Variants in LPP observed in about 807,000 individuals in gnomAD.
LPP encodes LIM domain containing preferred translocation partner in lipoma.
LPP carries 38 observed loss-of-function variants against 60.4 expected under a neutral mutation model. The ratio of observed to expected loss-of-function variants is 0.63; its 90% CI spans 0.49 to 0.83. LPP has a LOEUF of 0.83. Among genes scored for constraint, LPP ranks in the 40% least tolerant of loss-of-function variants. The pLI is 0.00. For synonymous variants in LPP, 328 were observed against 290.8 expected, an observed-to-expected ratio of 1.13 and a Z score of -1.30; for missense variants, 902 against 783.6, an observed-to-expected ratio of 1.15 and a Z score of -1.80.
intron 3 of LPP, among the ~76,000 whole-genome samples, chr3:188,376,822 A>T (rs973269029): frequency 6.6e-6 from 1 of 152,168 alleles, no homozygotes; most frequent in South Asian, 2.1e-4. Flanking sequence ...ACAATTTGGC[A>T]TGTTTTTGCA....
At chr3:188,242,971 A>G (rs540534481) in intron 2 of LPP, among the ~76,000 whole-genome samples, 2 of 152,336 alleles carry the variant, frequency 1.3e-5, no homozygotes, top group African/African-American at 2.4e-5. Flanking sequence ...TCAGAATTTG[A>G]GTATAAAAAA....
chr3:188,441,239 A>G lies in LPP; in HGVS notation c.193+34926A>G, dbSNP rs73192672. Among the ~76,000 whole-genome samples the G allele has an allele frequency of 3.1e-3, 472 of 152,246 alleles. 3 individuals carry two copies. The highest frequency in any genetic ancestry group is 5.2e-3 in the Non-Finnish European group (353 of 68,020). On this transcript the variant is annotated intron_variant, in intron 4 of 11. Coordinates refer to ENST00000617246, the MANE Select transcript of LPP (RefSeq NM_001375462.1). The stretch of plus-strand genomic sequence containing the variant: ...TATCTCAACAACTAGTGTGTTCTAG[A>G]TCAAGGACTGATTCCAGATTCTCAA...
intron 7 of LPP, among the ~76,000 whole-genome samples, chr3:188,638,203 G>C (rs1346428195): frequency 2.2e-5 from 3 of 138,602 alleles, no homozygotes; most frequent in East Asian, 4.0e-4. Flanking sequence ...TGCAAGGCTG[G>C]TTCAATATAT....
At chr3:188,393,083 A>T (rs1210629318) in intron 3 of LPP, among the ~76,000 whole-genome samples, 1 of 150,668 alleles carries the variant, frequency 6.6e-6, no homozygotes, top group Non-Finnish European at 1.5e-5. Context: ...TCCTTCTAGT[A>T]CTTGTAACCA....
chr3:188,404,680 C>T (rs1480656169), intron 3 of LPP, among the ~76,000 whole-genome samples: 1 of 152,214 alleles, frequency 6.6e-6, no homozygotes, highest in East Asian at 1.9e-4. Context: ...CCCTGTCTCT[C>T]TATTACTATG....
rs1768448248 is a variant in LPP, at chr3:188,872,731, C to T, written c.1678C>T (p.Arg560Ter). The change falls in exon 11 of 12, where the codon CGA becomes TGA. Residue 560 changes from arginine (R) to a stop codon, truncating the protein, a stop_gained. Coordinates refer to ENST00000617246, the MANE Select transcript of LPP (RefSeq NM_001375462.1). LOFTEE classifies it high-confidence loss of function. ...EETVRIVALDRDFHVHCYRCE... is the reference protein window; with the variant it reads ...EETVRIVALD ...GACTGTCCGTATTGTGGCTTTGGAT[C>T]GAGATTTCCATGTTCACTGCTACCG... 6.2e-7 allele frequency: 1 copy of T among 1,614,012 alleles called. No individual in the cohort carries two copies. The highest frequency in any genetic ancestry group is 8.5e-7 in the Non-Finnish European group (1 of 1,180,010).
intron 9 of LPP, among the ~76,000 whole-genome samples, chr3:188,802,667 C>G (rs1393387937): frequency 6.6e-6 from 1 of 152,052 alleles, no homozygotes; most frequent in Non-Finnish European, 1.5e-5. Context: ...CCTGTAATCT[C>G]ATCTACTCAG....
At chr3:188,682,756 T>TA (rs1205188156) in intron 7 of LPP, among the ~76,000 whole-genome samples, 4 of 152,174 alleles carry the variant, frequency 2.6e-5, no homozygotes, top group African/African-American at 9.6e-5. Flanking sequence ...AATAAATATA[T>TA]TTTTTACTGA....
chr3:188,686,179 A>G (rs1428895945), intron 7 of LPP, among the ~76,000 whole-genome samples: 1 of 152,170 alleles, frequency 6.6e-6, no homozygotes, highest in Non-Finnish European at 1.5e-5. Context: ...TGTACAAAAT[A>G]TATTACTCAA....
chr3:188,713,541 C>T (rs915911281), intron 8 of LPP, among the ~76,000 whole-genome samples: 1 of 151,870 alleles, frequency 6.6e-6, no homozygotes, highest in Non-Finnish European at 1.5e-5. Context: ...CTATTTGTTG[C>T]AGTATAAGGT....
intron 4 of LPP, among the ~76,000 whole-genome samples, chr3:188,432,222 ATC>A (rs1791074347): frequency 6.6e-6 from 1 of 152,188 alleles, no homozygotes; most frequent in Non-Finnish European, 1.5e-5. Flanking sequence ...GAACACAAAT[ATC>A]TCTAAATCCA....
chr3:188,499,319 G>A (rs894057385), intron 5 of LPP, among the ~76,000 whole-genome samples: 1 of 152,128 alleles, frequency 6.6e-6, no homozygotes, highest in Non-Finnish European at 1.5e-5. Flanking sequence ...TGCTAGGAAA[G>A]AGTCCACCCT....
intron 9 of LPP, among the ~76,000 whole-genome samples, chr3:188,819,213 T>C (rs1753302140): frequency 6.6e-6 from 1 of 152,108 alleles, no homozygotes; most frequent in African/African-American, 2.4e-5. Flanking sequence ...CAAGATTGTA[T>C]TGTGTGATGC....
intron 5 of LPP, among the ~76,000 whole-genome samples, chr3:188,491,138 G>T (rs1364164569): frequency 6.6e-6 from 1 of 152,134 alleles, no homozygotes; most frequent in Non-Finnish European, 1.5e-5. Flanking sequence ...TTTATTTTTA[G>T]ACATAAGGAA....
chr3:188,405,943 T>C (rs946278186), intron 3 of LPP, among the ~76,000 whole-genome samples, 169 bp from the exon 4 acceptor site: 3 of 152,218 alleles, frequency 2.0e-5, no homozygotes, highest in Non-Finnish European at 2.9e-5. Flanking sequence ...TTTCTATTCA[T>C]GATTCCTCTG....
At chr3:188,644,868 A>G (rs1180827625) in intron 7 of LPP, among the ~76,000 whole-genome samples, 1 of 152,198 alleles carries the variant, frequency 6.6e-6, no homozygotes, top group African/African-American at 2.4e-5. Context: ...CAGACAAGAG[A>G]GGGAACAGGA....
chr3:188,434,764 C>T (rs1475006402), intron 4 of LPP, among the ~76,000 whole-genome samples: 1 of 152,184 alleles, frequency 6.6e-6, no homozygotes, highest in Non-Finnish European at 1.5e-5. Flanking sequence ...TTTTCTCACT[C>T]TGAGCCTGGG....
chr3:188,422,699 G>A (rs143885478), intron 4 of LPP, among the ~76,000 whole-genome samples: 4 of 152,236 alleles, frequency 2.6e-5, no homozygotes, highest in African/African-American at 9.6e-5. Flanking sequence ...ATAGTGTAAC[G>A]ATCTCTGGAA....
chr3:188,714,245 TTCTC>T (rs1364420994), intron 8 of LPP, among the ~76,000 whole-genome samples: 1 of 152,200 alleles, frequency 6.6e-6, no homozygotes, highest in Non-Finnish European at 1.5e-5. Context: ...AACTGGCTGT[TTCTC>T]TCCCATGTCA....
Sources: gnomAD v4.1 joint callset for allele counts (sites outside exome capture counted in the v4.1 genomes callset) on GRCh38, gnomAD v4.1.1 for gene constraint, MANE v1.5 for transcripts, NCBI Gene and HGNC (gene_info 2026-07-23, HGNC 2026-07-21) for gene names.